Variants in FECH observed in about 807,000 individuals in gnomAD.
FECH encodes the protein ferrochelatase, mitochondrial.
Under a neutral mutation model 56.9 loss-of-function variants are expected in FECH, and 40 were observed. The ratio of observed to expected loss-of-function variants is 0.70; its 90% CI spans 0.55 to 0.92. The LOEUF (loss-of-function observed/expected upper bound fraction) is 0.92. Among genes scored for constraint, FECH ranks in the 40% least tolerant of loss-of-function variants. The probability of loss-of-function intolerance (pLI) is 0.00; values close to 1 mark genes in which losing one functional copy is unlikely to be tolerated. For missense variants in FECH, 431 were observed against 529.1 expected, an observed-to-expected ratio of 0.81 and a Z score of 1.82; for synonymous variants, 175 against 198.6, an observed-to-expected ratio of 0.88 and a Z score of 1.00.
Position 57,580,204 on chromosome 18 carries a change from G to T in FECH, c.68-5C>A. On this transcript the variant is annotated splice_polypyrimidine_tract_variant and splice_region_variant and intron_variant, in intron 1 of 10. Coordinates refer to ENST00000262093, the MANE Select transcript of FECH (RefSeq NM_000140.5). ...CCCTCCAGCTGCTGGATGCCACTGT[G>T]ACAAAATTAAAGTGCTCGCATGAAA... The T allele has an allele frequency of 6.2e-7, 1 of 1,614,096 alleles. No homozygotes were observed. The highest frequency in any genetic ancestry group is 8.5e-7 in the Non-Finnish European group (1 of 1,180,020).
intron 2 of FECH, among the ~76,000 whole-genome samples, chr18:57,578,765 G>A (rs1419881901): frequency 6.6e-6 from 1 of 151,738 alleles, no homozygotes; most frequent in African/African-American, 2.4e-5. Context: ...TTCGAGACCA[G>A]CCTGGCCAAC....
At chr18:57,580,511 C>T (rs1444295293) in intron 1 of FECH, among the ~76,000 whole-genome samples, 1 of 152,166 alleles carries the variant, frequency 6.6e-6, no homozygotes, top group African/African-American at 2.4e-5. Context: ...ACGAGACCAA[C>T]ATGACTGACA....
rs2050775085 is a variant in FECH, at chr18:57,549,925, T to TCATCA, written c.*782_*786dup. 6.6e-6 allele frequency: 1 copy of TCATCA among 152,156 alleles called. No individual in the cohort carries two copies. The highest frequency in any genetic ancestry group is 1.5e-5 in the Non-Finnish European group (1 of 68,024). The allele number at this position is 152,156 out of a possible 1,614,324, so 9.4% of individuals were successfully genotyped here. A position where few individuals can be genotyped will look rare whatever the true frequency, so the allele number is the denominator to read the frequency against. Reference sequence around the variant, plus strand: ...CCCGGGAGGAGCTCCAGGGTGAAGCTCATCACTAGCCTTTCCAGCAGCACT... The same window carrying TCATCA: ...CCCGGGAGGAGCTCCAGGGTGAAGCTCATCACATCACTAGCCTTTCCAGCAGCACT... On this transcript the variant is annotated 3_prime_UTR_variant, in exon 11 of 11. Coordinates refer to ENST00000262093, the MANE Select transcript of FECH (RefSeq NM_000140.5).
At chr18:57,553,014 T>C (rs1241482392) in intron 9 of FECH, among the ~76,000 whole-genome samples, 3 of 152,170 alleles carry the variant, frequency 2.0e-5, no homozygotes, top group Non-Finnish European at 4.4e-5. Flanking sequence ...GGAGCTATGA[T>C]TGTGCCACTG....
intron 4 of FECH, among the ~76,000 whole-genome samples, chr18:57,569,200 A>G (rs755761983): frequency 1.3e-5 from 2 of 152,260 alleles, no homozygotes; most frequent in Non-Finnish European, 2.9e-5. Context: ...ACTTTCCATC[A>G]CATGATTACA....
At chr18:57,551,922 C>A (rs372351129) in intron 9 of FECH, among the ~76,000 whole-genome samples, 38 of 147,830 alleles carry the variant, frequency 2.6e-4, no homozygotes, top group East Asian at 2.4e-3. Context: ...CTTGCTCTGT[C>A]ACCCAGGCTG....
At chr18:57,551,184 C>T (rs534283153) in intron 10 of FECH, 131 bp downstream of exon 10, 12 of 748,056 alleles carry the variant, frequency 1.6e-5, no homozygotes, top group African/African-American at 8.9e-5. Context: ...ATAAGGAATT[C>T]GATTTTATTT....
chr18:57,582,434 T>C (rs1192043098), intron 1 of FECH, among the ~76,000 whole-genome samples: 1 of 152,052 alleles, frequency 6.6e-6, no homozygotes, highest in Admixed American at 6.6e-5. Context: ...GTACTCAACC[T>C]GTAATAAAAT....
intron 5 of FECH, among the ~76,000 whole-genome samples, chr18:57,563,520 T>C (rs1354745114): frequency 7.7e-6 from 1 of 130,356 alleles, no homozygotes; most frequent in Non-Finnish European, 1.5e-5. Context: ...GTGGAGGTTA[T>C]GGTGAGCTGA....
At position 57,550,629 on chromosome 18, in the gene FECH, G is replaced by C. The variant is rs2050784457; in HGVS notation, c.*83C>G. 28 of 1,571,110 alleles carry C rather than the reference G, an allele frequency of 1.8e-5. No homozygotes were observed. The highest frequency in any genetic ancestry group is 2.4e-5 in the Non-Finnish European group (28 of 1,144,562). Reference sequence around the variant, plus strand: ...TCAAGGAAGGATGACTTCCTTCCTTGATCTCTAAATAACACCCTCTCCACA... The same window carrying C: ...TCAAGGAAGGATGACTTCCTTCCTTCATCTCTAAATAACACCCTCTCCACA... On this transcript the variant is annotated 3_prime_UTR_variant, in exon 11 of 11. Transcript: ENST00000262093.
In FECH at chr18:57,566,341, G is replaced by A. The variant is rs912795583; in HGVS notation, c.598+106C>T. ...TGTTTAAAGAAGACAGGTTGAATTT[G>A]CCATTCAAATTGCAAATAATTCATC... On this transcript the variant is annotated intron_variant, in intron 5 of 10. Coordinates refer to ENST00000262093, the MANE Select transcript of FECH (RefSeq NM_000140.5). 8 of 1,480,350 alleles carry A rather than the reference G, an allele frequency of 5.4e-6. No individual in the cohort carries two copies. In the African/African-American group the frequency reaches 8.3e-5, roughly 15 times the overall value. 91.7% of individuals were successfully genotyped at this position (1,480,350 alleles called of 1,614,324 possible).
intron 9 of FECH, among the ~76,000 whole-genome samples, chr18:57,552,464 G>T (rs558382637): frequency 3.3e-5 from 5 of 151,772 alleles, no homozygotes; most frequent in South Asian, 2.1e-4. Context: ...GCAGTAGTGC[G>T]ATCTCAACTC....
chr18:57,556,761 A>G (rs1193942190), intron 7 of FECH, among the ~76,000 whole-genome samples: 1 of 151,632 alleles, frequency 6.6e-6, no homozygotes, highest in African/African-American at 2.4e-5. Flanking sequence ...AAATACAAAT[A>G]TTAGCTGGGT....
At chr18:57,555,459 T>C (rs1023134431) in intron 7 of FECH, among the ~76,000 whole-genome samples, 14 of 152,038 alleles carry the variant, frequency 9.2e-5, no homozygotes, top group African/African-American at 3.4e-4. Context: ...CCTCCAAGAG[T>C]GTGACCTGCA....
chr18:57,558,399 A>G (rs959894611), intron 7 of FECH, among the ~76,000 whole-genome samples: 5 of 152,184 alleles, frequency 3.3e-5, no homozygotes, highest in Non-Finnish European at 7.4e-5. Flanking sequence ...GATCCTCTAT[A>G]TTCACTTGCA....
intron 1 of FECH, among the ~76,000 whole-genome samples, chr18:57,581,281 C>T (rs1196827742): frequency 6.6e-6 from 1 of 152,204 alleles, no homozygotes; most frequent in Admixed American, 6.5e-5. Flanking sequence ...TGTCCTGGGC[C>T]CCACAGGAGG....
intron 2 of FECH, among the ~76,000 whole-genome samples, chr18:57,578,291 C>T (rs1304455202): frequency 6.6e-6 from 1 of 152,178 alleles, no homozygotes; most frequent in Non-Finnish European, 1.5e-5. Flanking sequence ...CCATCCCCAA[C>T]TAACCTCAGG....
intron 2 of FECH, among the ~76,000 whole-genome samples, chr18:57,574,882 G>C (rs1167050584): frequency 6.6e-6 from 1 of 152,180 alleles, no homozygotes; most frequent in East Asian, 1.9e-4. Context: ...GAACAATTCA[G>C]AGGTTTCTAA....
intron 5 of FECH, among the ~76,000 whole-genome samples, chr18:57,563,580 C>CAAAAAAAAAAAAAAA (rs747565830): frequency 1.8e-4 from 6 of 33,614 alleles, no homozygotes; most frequent in Non-Finnish European, 2.9e-4. Flanking sequence ...AACTCCGTCC[C>CAAAAAAAAAAAAAAA]AAAAAAAAAA....
Sources: allele counts gnomAD v4.1 joint callset (sites outside exome capture counted in the v4.1 genomes callset), GRCh38; gene constraint gnomAD v4.1.1; transcripts MANE v1.5; gene names NCBI Gene and HGNC (gene_info 2026-07-23, HGNC 2026-07-21).